The following ENDOV variants were observed in gnomAD, a reference collection of about 807,000 sequenced individuals.
ENDOV encodes the protein hEndoV.
A neutral mutation model predicts 39.4 loss-of-function variants in ENDOV; 37 were observed. The observed-to-expected ratio is 0.94, with a 90% CI of 0.72 to 1.23. The LOEUF (loss-of-function observed/expected upper bound fraction) is 1.23. ENDOV is among the 50% of genes most tolerant of loss of function. The pLI is 0.00. For synonymous variants in ENDOV, 186 were observed against 163.4 expected, an observed-to-expected ratio of 1.14 and a Z score of -1.05; for missense variants, 441 against 375.7, an observed-to-expected ratio of 1.17 and a Z score of -1.44.
At chr17:80,419,461 A>T (rs759358002) in intron 2 of ENDOV, 6 of 641,694 alleles carry the variant, frequency 9.4e-6, no homozygotes, top group Middle Eastern at 4.9e-4. Context: ...ATGCTGAGCG[A>T]TGGCTGGTGT....
intron 2 of ENDOV, chr17:80,419,816 G>C: frequency 1.6e-6 from 1 of 640,218 alleles, no homozygotes; most frequent in Admixed American, 2.1e-5. Flanking sequence ...GTCTACCCAA[G>C]TCCCTAGACC....
At chr17:80,424,443 C>T (rs4077240) in intron 5 of ENDOV, 204,236 of 396,734 alleles carry the variant, frequency 0.51, 54,880 homozygotes, top group Non-Finnish European at 0.57. Flanking sequence ...TGGCTGCCAG[C>T]CTGGCACAGC....
rs550868675 is a variant in ENDOV at position 80,419,328 on chromosome 17, C to T, written c.229-2500C>T. 5.8e-5 allele frequency: 26 copies of T among 447,794 alleles called. No homozygotes were observed. In the South Asian group the frequency reaches 8.0e-4, roughly 14 times the overall value. The allele number at this position is 447,794 out of a possible 1,614,324, so 27.7% of individuals were successfully genotyped here. On this transcript the variant is annotated intron_variant, in intron 2 of 9. Coordinates refer to ENST00000518137, the MANE Select transcript of ENDOV (RefSeq NM_173627.5). ...AGAACCACTGGCCTGCTTTTCCCACCGTGAAGAACACTGTCCTTAGCATCC... is the reference window on the plus strand; with the variant it reads ...AGAACCACTGGCCTGCTTTTCCCACTGTGAAGAACACTGTCCTTAGCATCC...
chr17:80,428,581 G>A lies in ENDOV; in HGVS notation c.715-15G>A, dbSNP rs367793331. ...AGACCAGCTCAGCACCCAGCAGCAC[G>A]TCTGTCTCCCCCAGGCTGACATCTG... On this transcript the variant is annotated splice_polypyrimidine_tract_variant and intron_variant, in intron 7 of 9. Coordinates refer to ENST00000518137, the MANE Select transcript of ENDOV (RefSeq NM_173627.5). 20 of 1,572,506 alleles carry A rather than the reference G, an allele frequency of 1.3e-5. No homozygotes were observed. Among genetic ancestry groups the A allele is most frequent in the Non-Finnish European group, 1.6e-5 (19 of 1,159,572 alleles).
Position 80,421,922 on chromosome 17 carries a change from T to C in ENDOV, c.323T>C (p.Val108Ala). 1 of 1,611,208 alleles carries C rather than the reference T, an allele frequency of 6.2e-7. No individual in the cohort carries two copies. Among genetic ancestry groups the C allele is most frequent in the Non-Finnish European group, 8.5e-7 (1 of 1,179,544 alleles). ...FREVPFLLEL[V>A]QQLREKEPGL... The stretch of plus-strand genomic sequence containing the variant: ...GAGGTGCCCTTCTTGCTGGAGCTGG[T>C]GCAGCAGCTGCGGGAGAAGGAGCCG... The change falls in exon 3 of 10, where the codon GTG becomes GCG. Residue 108 changes from valine to alanine, a missense_variant. Physicochemically the swap from Val to Ala is moderately conservative, Grantham distance 64. Transcript: ENST00000518137.
intron 7 of ENDOV, chr17:80,427,542 A>G (rs1385084000): frequency 9.5e-7 from 1 of 1,054,638 alleles, no homozygotes; most frequent in Non-Finnish European, 1.2e-6. Context: ...CAGTTGGGAT[A>G]TGCAGCCACC....
In ENDOV at chr17:80,425,084, G is replaced by A. The variant is rs750730169; in HGVS notation, c.569G>A (p.Gly190Glu). ...GDSFPLLGDS[G>E]TVLGMALRSH... ...TCATTCCCTCTGCTGGGAGACTCTG[G>A]GACTGTCCTGGGAATGGTGAGTAGC... Residue 190 changes from glycine (G) to glutamate (E), a missense_variant, in exon 6 of 10, where the codon GGG (glycine) becomes GAG (glutamate). Gly to Glu is a moderately conservative substitution (Grantham distance 98, BLOSUM62 -2). Coordinates refer to ENST00000518137, the MANE Select transcript of ENDOV (RefSeq NM_173627.5). The A allele has an allele frequency of 4.3e-6, 7 of 1,610,074 alleles. No homozygotes were observed. The highest frequency in any genetic ancestry group is 1.7e-4 in the Middle Eastern group (1 of 6,058).
At position 80,436,495 on chromosome 17, in the gene ENDOV, T is replaced by A; in HGVS notation, c.*352T>A. ...TTTTTATCCTTAAAGGGTACTGGAT[T>A]TTGTCAAATGCTTTTCTGGCCTCTA... On this transcript the variant is annotated 3_prime_UTR_variant, in exon 10 of 10. Coordinates refer to ENST00000518137, the MANE Select transcript of ENDOV (RefSeq NM_173627.5). The A allele has an allele frequency of 1.6e-6, 1 of 636,970 alleles. No homozygotes were observed. Among genetic ancestry groups the A allele is most frequent in the Non-Finnish European group, 2.3e-6 (1 of 438,934 alleles). The allele number at this position is 636,970 out of a possible 1,614,324, so 39.5% of individuals were successfully genotyped here.
At chr17:80,417,152 T>A (rs1215096634) in intron 2 of ENDOV, 1 of 152,240 alleles carries the variant, frequency 6.6e-6, no homozygotes, top group Non-Finnish European at 1.5e-5. Context: ...TCATGACCTG[T>A]CCCCTGCGTA....
intron 7 of ENDOV, among the ~76,000 whole-genome samples, chr17:80,428,025 G>A (rs2082936434): frequency 6.6e-6 from 1 of 152,228 alleles, no homozygotes; most frequent in South Asian, 2.1e-4. Context: ...ATGCCCCCGG[G>A]GGTTCCCACT....
At chr17:80,418,442 G>A (rs2081493100) in intron 2 of ENDOV, 1 of 152,134 alleles carries the variant, frequency 6.6e-6, no homozygotes, top group Non-Finnish European at 1.5e-5. Context: ...CTGACTGTAG[G>A]TTCTCAAGAG....
At chr17:80,422,991 G>T (rs1352144499) in intron 4 of ENDOV, among the ~76,000 whole-genome samples, 1 of 152,090 alleles carries the variant, frequency 6.6e-6, no homozygotes, top group Non-Finnish European at 1.5e-5. Flanking sequence ...GAGCCACCGC[G>T]CCCGGCCTAG....
chr17:80,435,829 G>C (rs1469216552), intron 9 of ENDOV, among the ~76,000 whole-genome samples: 7 of 151,648 alleles, frequency 4.6e-5, no homozygotes, highest in Admixed American at 2.6e-4. Context: ...TGTTAGCCAG[G>C]ATGGTCTCGA....
At chr17:80,433,875 G>A (rs1216163458) in intron 9 of ENDOV, among the ~76,000 whole-genome samples, 1 of 152,202 alleles carries the variant, frequency 6.6e-6, no homozygotes, top group African/African-American at 2.4e-5. Flanking sequence ...GCCAGAGCCT[G>A]GAGATAAGTT....
At chr17:80,415,378 C>G (rs1406336885) in intron 1 of ENDOV, 128 bp downstream of exon 1, 1 of 1,225,018 alleles carries the variant, frequency 8.2e-7, no homozygotes, top group East Asian at 2.5e-5. Flanking sequence ...AAAGCAAAGC[C>G]CAGTTTCCGG....
At chr17:80,428,448 C>T (rs1021163141) in intron 7 of ENDOV, 148 bp from the exon 8 acceptor site, 17 of 738,464 alleles carry the variant, frequency 2.3e-5, no homozygotes, top group South Asian at 5.5e-5. Flanking sequence ...CTGACAGGGC[C>T]GCGGCTCCTG....
Position 80,428,658 on chromosome 17 carries a change from G to A in ENDOV, c.777G>A (p.Pro259=), listed in dbSNP as rs772602497. The change falls in exon 8 of 10, where the codon CCG becomes CCA. Residue 259 remains proline (P), a splice_region_variant and synonymous_variant. Coordinates refer to ENST00000518137, the MANE Select transcript of ENDOV (RefSeq NM_173627.5). The part of the protein sequence containing the change: ...KSLGLPGPPT[P]RSPKAQRPVA... ...TGGGACTCCCCGGGCCACCCACACC[G>A]AGGTGAGCACCCAGGGAGGCTGGGG... 115 of 1,578,170 alleles carry A rather than the reference G, an allele frequency of 7.3e-5. No individual in the cohort carries two copies. The East Asian group carries it at 1.0e-3, about 14-fold the overall frequency.
At position 80,434,416 on chromosome 17, in the gene ENDOV, G is replaced by A. The variant is rs41302928; in HGVS notation, c.839-1717G>A. Among the ~76,000 whole-genome samples, 1,037 of 152,244 alleles carry A rather than the reference G, an allele frequency of 6.8e-3. 4 individuals are homozygous for A. Among genetic ancestry groups the A allele is most frequent in the Admixed American group, 0.011 (161 of 15,298 alleles). On this transcript the variant is annotated intron_variant, in intron 9 of 9. Coordinates refer to ENST00000518137, the MANE Select transcript of ENDOV (RefSeq NM_173627.5). ...TGCTGCAATGAAGACTGATGTACAC[G>A]CTTTTGTGTAAACATGTTTTCAGTT... is the stretch of plus-strand genomic sequence containing the variant.
chr17:80,431,292 C>T (rs1173039764), intron 9 of ENDOV, among the ~76,000 whole-genome samples: 1 of 152,160 alleles, frequency 6.6e-6, no homozygotes, highest in Admixed American at 6.5e-5. Flanking sequence ...GCTGGCCCCA[C>T]CCGCCTGCGC....
Sources: gnomAD v4.1 joint callset for allele counts (sites outside exome capture counted in the v4.1 genomes callset) on GRCh38, gnomAD v4.1.1 for gene constraint, MANE v1.5 for transcripts, NCBI Gene and HGNC (gene_info 2026-07-23, HGNC 2026-07-21) for gene names.